Variants in NELL1 observed in about 807,000 individuals in gnomAD.
NELL1 encodes the protein protein kinase C-binding protein NELL1.
A neutral mutation model predicts 107.4 loss-of-function variants in NELL1; 76 were observed. The ratio of observed to expected loss-of-function variants is 0.71; its 90% CI spans 0.59 to 0.86. NELL1 has a LOEUF of 0.86. Among genes scored for constraint, NELL1 ranks in the 40% least tolerant of loss-of-function variants. NELL1 has a pLI of 0.00. For synonymous variants in NELL1, 353 were observed against 341.2 expected (o/e 1.03, Z -0.38); for missense variants, 1,024 against 1,005.5 (o/e 1.02, Z -0.25).
At chr11:20,893,581 A>G (rs1849662924) in intron 5 of NELL1, among the ~76,000 whole-genome samples, 2 of 151,758 alleles carry the variant, frequency 1.3e-5, no homozygotes, top group African/African-American at 4.8e-5. Context: ...AATAGAAATC[A>G]TGTTTAACTC....
intron 14 of NELL1, among the ~76,000 whole-genome samples, chr11:21,256,895 G>A (rs983489487): frequency 2.6e-5 from 4 of 152,000 alleles, no homozygotes; most frequent in Non-Finnish European, 5.9e-5. Flanking sequence ...CCAGTGTTGG[G>A]TACTTCATTC....
intron 2 of NELL1, among the ~76,000 whole-genome samples, chr11:20,748,545 C>T (rs1590256790): frequency 6.6e-6 from 1 of 151,834 alleles, no homozygotes; most frequent in South Asian, 2.1e-4. Flanking sequence ...TTTTTTAATT[C>T]CTTATTCCCC....
chr11:21,098,623 G>A (rs1242810035), intron 12 of NELL1, among the ~76,000 whole-genome samples: 1 of 152,182 alleles, frequency 6.6e-6, no homozygotes, highest in African/African-American at 2.4e-5. Context: ...TTTCCCTGAT[G>A]GTACCACTTT....
chr11:21,336,084 A>C (rs1850388002), intron 14 of NELL1, among the ~76,000 whole-genome samples: 2 of 152,252 alleles, frequency 1.3e-5, no homozygotes, highest in South Asian at 4.1e-4. Context: ...ACCTTAGTTT[A>C]TTATAAAAAC....
At chr11:21,300,437 A>G (rs771714440) in intron 14 of NELL1, among the ~76,000 whole-genome samples, 12 of 152,004 alleles carry the variant, frequency 7.9e-5, no homozygotes, top group Non-Finnish European at 1.6e-4. Context: ...GGGCTAGGAC[A>G]TGGGTTTTTT....
At chr11:21,250,248 T>G (rs548961342) in intron 14 of NELL1, among the ~76,000 whole-genome samples, 1 of 152,260 alleles carries the variant, frequency 6.6e-6, no homozygotes, top group South Asian at 2.1e-4. Flanking sequence ...GAGGAGTAAT[T>G]TGCAGTTATT....
intron 14 of NELL1, among the ~76,000 whole-genome samples, chr11:21,273,420 C>T (rs1476567972): frequency 6.6e-5 from 10 of 152,172 alleles, no homozygotes; most frequent in Non-Finnish European, 1.2e-4. Context: ...ACCAAATCTA[C>T]GTCTGATTGG....
At chr11:21,454,031 A>C (rs1853657309) in intron 15 of NELL1, among the ~76,000 whole-genome samples, 1 of 142,856 alleles carries the variant, frequency 7.0e-6, no homozygotes. Context: ...GCACCCACTA[A>C]CTTGTCATCT....
intron 15 of NELL1, among the ~76,000 whole-genome samples, chr11:21,467,205 G>A (rs1159848190): frequency 6.6e-6 from 1 of 152,050 alleles, no homozygotes; most frequent in Non-Finnish European, 1.5e-5. Context: ...CTTACTAACT[G>A]TGTATGACTT....
chr11:20,909,764 G>C (rs759440774), intron 5 of NELL1, among the ~76,000 whole-genome samples: 7 of 152,020 alleles, frequency 4.6e-5, no homozygotes, highest in Non-Finnish European at 1.0e-4. Context: ...GAACATAACA[G>C]GGCCTTTTCA....
intron 2 of NELL1, among the ~76,000 whole-genome samples, chr11:20,710,516 T>C (rs1257602571): frequency 6.6e-6 from 1 of 152,194 alleles, no homozygotes; most frequent in Non-Finnish European, 1.5e-5. Context: ...TCTTTTTTGT[T>C]ATGTCCTTTC....
intron 14 of NELL1, among the ~76,000 whole-genome samples, chr11:21,344,827 T>C (rs1003848746): frequency 6.6e-6 from 1 of 152,132 alleles, no homozygotes; most frequent in Non-Finnish European, 1.5e-5. Flanking sequence ...GAAAATGCTC[T>C]GCAATGATAG....
chr11:21,039,685 A>G (rs1275433375), intron 12 of NELL1, among the ~76,000 whole-genome samples: 1 of 152,200 alleles, frequency 6.6e-6, no homozygotes, highest in Non-Finnish European at 1.5e-5. Context: ...ATTGTATAAA[A>G]CAAAAAGGTG....
chr11:21,172,459 C>T lies in NELL1; in HGVS notation c.1427-56873C>T, dbSNP rs959207632. 7.2e-5 allele frequency among the ~76,000 whole-genome samples: 11 copies of T among 151,812 alleles called. No individual in the cohort carries two copies. In the South Asian group the frequency reaches 1.4e-3, roughly 20 times the overall value. On this transcript the variant is annotated intron_variant, in intron 13 of 19. Coordinates refer to ENST00000357134, the MANE Select transcript of NELL1 (RefSeq NM_006157.5). ...TTCCGTTGATAGCATGCTCCTTCTCCGTGATCATGCAGTTGATCCCAGCTT... is the reference window on the plus strand; with the variant it reads ...TTCCGTTGATAGCATGCTCCTTCTCTGTGATCATGCAGTTGATCCCAGCTT...
At chr11:20,863,325 T>C (rs10833403) in intron 4 of NELL1, among the ~76,000 whole-genome samples, 11,209 of 42,640 alleles carry the variant, frequency 0.26, 1,479 homozygotes, top group Non-Finnish European at 0.4. Flanking sequence ...GGGGCTGTTC[T>C]CCACCTCCCT....
chr11:20,740,343 C>T (rs1855862577), intron 2 of NELL1, among the ~76,000 whole-genome samples: 2 of 152,212 alleles, frequency 1.3e-5, no homozygotes, highest in South Asian at 4.1e-4. Context: ...TGAGCAGTCC[C>T]TGCCATCTCT....
chr11:20,966,372 A>G (rs867158198), intron 12 of NELL1, among the ~76,000 whole-genome samples: 2 of 152,078 alleles, frequency 1.3e-5, no homozygotes, highest in Admixed American at 1.3e-4. Context: ...TATTGTTACA[A>G]TGGTGACTAA....
At chr11:20,901,836 A>G (rs1379252979) in intron 5 of NELL1, among the ~76,000 whole-genome samples, 1 of 152,154 alleles carries the variant, frequency 6.6e-6, no homozygotes, top group Non-Finnish European at 1.5e-5. Context: ...CTGATGTGGC[A>G]TTCCTGACCA....
chr11:21,406,834 T>G (rs1421824640), intron 15 of NELL1, among the ~76,000 whole-genome samples: 2 of 152,064 alleles, frequency 1.3e-5, no homozygotes, highest in African/African-American at 4.8e-5. Flanking sequence ...GTGGAGAATA[T>G]TTCAAAATCT....
Sources: allele counts gnomAD v4.1 joint callset (sites outside exome capture counted in the v4.1 genomes callset), GRCh38; gene constraint gnomAD v4.1.1; transcripts MANE v1.5; gene names NCBI Gene and HGNC (gene_info 2026-07-23, HGNC 2026-07-21).